The following VBP1 variants were observed in gnomAD, a reference collection of about 807,000 sequenced individuals.
VBP1 encodes VHL binding protein 1, also known as prefoldin subunit 3.
Under a neutral mutation model 15.5 loss-of-function variants are expected in VBP1, and 4 were observed. The ratio of observed to expected loss-of-function variants is 0.26; its 90% CI spans 0.13 to 0.59. VBP1 has a LOEUF of 0.59. VBP1 is among the 20% of genes least tolerant of loss of function. The probability of loss-of-function intolerance (pLI) is 0.90; values close to 1 mark genes in which losing one functional copy is unlikely to be tolerated. For missense variants in VBP1, 108 were observed against 139.6 expected, an observed-to-expected ratio of 0.77 and a Z score of 1.14; for synonymous variants, 61 against 52.1, an observed-to-expected ratio of 1.17 and a Z score of -0.74.
chrX:155,235,112 GTGTA>G (rs1287249358), intron 4 of VBP1, among the ~76,000 whole-genome samples: 3 of 107,376 alleles, frequency 2.8e-5, no homozygotes, highest in African/African-American at 1.0e-4. Context: ...GTGTGTGTGT[GTGTA>G]TGTGTGTGTG....
At chrX:155,202,587 C>A (rs1348126646) in intron 1 of VBP1, among the ~76,000 whole-genome samples, 1 of 108,269 alleles carries the variant, frequency 9.2e-6, no homozygotes, top group Non-Finnish European at 1.9e-5. Flanking sequence ...CCCTTCCTTA[C>A]ACCTTATACA....
At chrX:155,234,384 T>G (rs2074761829) in intron 4 of VBP1, among the ~76,000 whole-genome samples, 2 of 110,511 alleles carry the variant, frequency 1.8e-5, no homozygotes, top group African/African-American at 6.6e-5. Context: ...GCCTGCCAAG[T>G]GCTGGGATTA....
rs889348702 is a variant in VBP1 at position 155,234,530 on chromosome X, C to T, written c.385-1699C>T. Among the ~76,000 whole-genome samples, 6 of 111,714 alleles carry T rather than the reference C, an allele frequency of 5.4e-5. No individual in the cohort carries two copies. In the Admixed American group the frequency reaches 5.7e-4, roughly 11 times the overall value. On this transcript the variant is annotated intron_variant, in intron 4 of 5. Transcript: ENST00000286428. ...GCAAAGCATTCTTAGAATAACACCA[C>T]CCAACACTGTTACCACTGACATTTT...
At chrX:155,229,644 A>C (rs191006924) in intron 4 of VBP1, among the ~76,000 whole-genome samples, 1 of 110,868 alleles carries the variant, frequency 9.0e-6, no homozygotes, top group African/African-American at 3.3e-5. Context: ...GTCTTTTGTA[A>C]CTGTTCTTCT....
intron 1 of VBP1, among the ~76,000 whole-genome samples, chrX:155,202,682 C>G (rs1302842426): frequency 9.4e-6 from 1 of 106,626 alleles, no homozygotes; most frequent in Non-Finnish European, 1.9e-5. Flanking sequence ...CATTACCATT[C>G]AGGACATAGG....
At chrX:155,236,419 A>G in intron 5 of VBP1, 52 bp downstream of exon 5, 1 of 1,160,830 alleles carries the variant, frequency 8.6e-7, no homozygotes, top group Non-Finnish European at 1.2e-6. Flanking sequence ...AGATTTTTTT[A>G]AAAAAACATT....
Position 155,236,724 on chromosome X carries a change from T to G in VBP1, c.523+357T>G, listed in dbSNP as rs782080269. ...ATTCGGAACTAGTACTTAAATAAGT[T>G]TGTAGATAGATTAGTGATTTTGAAA... is the stretch of plus-strand genomic sequence containing the variant. On this transcript the variant is annotated intron_variant, in intron 5 of 5. Transcript: ENST00000286428. Among the ~76,000 whole-genome samples, 3 of 112,760 alleles carry G rather than the reference T, an allele frequency of 2.7e-5. No individual in the cohort carries two copies. In the South Asian group the frequency reaches 1.1e-3, roughly 41 times the overall value.
intron 1 of VBP1, among the ~76,000 whole-genome samples, chrX:155,205,260 A>C (rs2074622418): frequency 8.9e-6 from 1 of 111,837 alleles, no homozygotes; most frequent in South Asian, 3.7e-4. Context: ...CTGTTGGTCC[A>C]TTCCAGAAAA....
intron 1 of VBP1, chrX:155,197,189 T>A (rs781922939): frequency 5.4e-5 from 6 of 112,082 alleles, no homozygotes; most frequent in Admixed American, 1.9e-4. Flanking sequence ...ATTGTTATTG[T>A]TTTGTTTATG....
intron 2 of VBP1, among the ~76,000 whole-genome samples, chrX:155,210,931 G>C (rs2074642870): frequency 8.9e-6 from 1 of 111,880 alleles, no homozygotes; most frequent in Non-Finnish European, 1.9e-5. Context: ...TCTTGAAACT[G>C]TAATGTGCCC....
chrX:155,200,380 G>A (rs1602863578), intron 1 of VBP1, among the ~76,000 whole-genome samples: 1 of 108,147 alleles, frequency 9.2e-6, no homozygotes, highest in African/African-American at 3.4e-5. Flanking sequence ...CTCAGCAAAT[G>A]TAAAACAACA....
At chrX:155,229,695 C>T (rs1557310618) in intron 4 of VBP1, among the ~76,000 whole-genome samples, 1 of 111,780 alleles carries the variant, frequency 8.9e-6, no homozygotes, top group East Asian at 2.8e-4. Context: ...GCTCTTCTTG[C>T]TCTTTTCATG....
At chrX:155,231,071 T>G (rs1557310808) in intron 4 of VBP1, among the ~76,000 whole-genome samples, 1 of 112,197 alleles carries the variant, frequency 8.9e-6, no homozygotes. Flanking sequence ...AGAACCTTTA[T>G]TCTAGCTCTT....
In VBP1 at chrX:155,236,212, T is replaced by C. The variant is rs2074772034; in HGVS notation, c.385-17T>C. 1 of 1,202,983 alleles carries C rather than the reference T, an allele frequency of 8.3e-7. No individual in the cohort carries two copies. Among genetic ancestry groups the C allele is most frequent in the Non-Finnish European group, 1.1e-6 (1 of 891,173 alleles). On this transcript the variant is annotated splice_polypyrimidine_tract_variant and intron_variant, in intron 4 of 5. Coordinates refer to ENST00000286428, the MANE Select transcript of VBP1 (RefSeq NM_003372.7). ...CTGTGTAAATATTGAGTAATTGTCA[T>C]GACTTTCTCTCTTCAGGCTAATGTA... is the stretch of plus-strand genomic sequence containing the variant.
At chrX:155,199,265 A>G (rs2074591808) in intron 1 of VBP1, among the ~76,000 whole-genome samples, 1 of 110,292 alleles carries the variant, frequency 9.1e-6, no homozygotes, top group Non-Finnish European at 1.9e-5. Context: ...GAACGCCACA[A>G]AGATACTCCT....
upstream of VBP1, among the ~76,000 whole-genome samples, chrX:155,215,186 A>G (rs1392812732): frequency 3.6e-5 from 4 of 112,014 alleles, no homozygotes; most frequent in African/African-American, 1.3e-4. Context: ...TGTATCTGAT[A>G]TCTCAATGTT....
At chrX:155,234,563 G>C (rs782741134) in intron 4 of VBP1, among the ~76,000 whole-genome samples, 3 of 111,975 alleles carry the variant, frequency 2.7e-5, no homozygotes, top group East Asian at 5.6e-4. Context: ...TTTTGCATAT[G>C]TTCTTCCTGT....
In VBP1 at chrX:155,217,534, G is replaced by A. The variant is rs904572299; in HGVS notation, c.93+959G>A. Among the ~76,000 whole-genome samples, 16 of 111,350 alleles carry A rather than the reference G, an allele frequency of 1.4e-4. No individual in the cohort carries two copies. In the South Asian group the frequency reaches 4.5e-3, roughly 31 times the overall value. On this transcript the variant is annotated intron_variant, in intron 1 of 5. Coordinates refer to ENST00000286428, the MANE Select transcript of VBP1 (RefSeq NM_003372.7). ...CCTCTGCCTTTTTTTTACTAACTAC[G>A]TCTTATATCCTTCTAAAGACTCATT...
At chrX:155,205,856 T>A (rs1447096620) in intron 1 of VBP1, among the ~76,000 whole-genome samples, 10 of 111,755 alleles carry the variant, frequency 8.9e-5, no homozygotes, top group African/African-American at 3.3e-4. Flanking sequence ...TGAGGTTGTC[T>A]CCCCGGTTCA....
Sources: allele counts gnomAD v4.1 joint callset (sites outside exome capture counted in the v4.1 genomes callset), GRCh38; gene constraint gnomAD v4.1.1; transcripts MANE v1.5; gene names NCBI Gene and HGNC (gene_info 2026-07-23, HGNC 2026-07-21).